Variants in MOB1B observed in about 807,000 individuals in gnomAD.
MOB1B encodes MOB1 Mps One Binder homolog B.
A neutral mutation model predicts 24.4 loss-of-function variants in MOB1B; 19 were observed. The observed-to-expected ratio is 0.78, with a 90% CI of 0.54 to 1.14. The LOEUF (loss-of-function observed/expected upper bound fraction) is 1.14. Among genes scored for constraint, MOB1B ranks in the 50% most tolerant of loss-of-function variants. The pLI is 0.00. For missense variants in MOB1B, 243 were observed against 259.6 expected, an observed-to-expected ratio of 0.94 and a Z score of 0.44; for synonymous variants, 76 against 82.1, an observed-to-expected ratio of 0.93 and a Z score of 0.40.
intron 1 of MOB1B, among the ~76,000 whole-genome samples, chr4:70,935,128 T>C (rs1044046537): frequency 6.6e-6 from 1 of 152,058 alleles, no homozygotes; most frequent in African/African-American, 2.4e-5. Context: ...GAGGGCTTGC[T>C]ATGTTGCCCA....
Position 70,987,248 on chromosome 4 carries a change from A to G in MOB1B, c.*5191A>G, listed in dbSNP as rs1739409947. On this transcript the variant is annotated 3_prime_UTR_variant, in exon 6 of 6. Transcript: ENST00000309395. ...CACTGAAGCTGAGATTATTAGTGAT[A>G]CAAAGTTAAAATTTCAATATTTAAT... 6.6e-6 allele frequency: 1 copy of G among 151,984 alleles called. No homozygotes were observed. The highest frequency in any genetic ancestry group is 1.5e-5 in the Non-Finnish European group (1 of 67,932). The allele number at this position is 151,984 out of a possible 1,614,324, so 9.4% of individuals were successfully genotyped here.
chr4:70,930,922 A>G (rs1315408512), intron 1 of MOB1B, among the ~76,000 whole-genome samples: 1 of 150,600 alleles, frequency 6.6e-6, no homozygotes, highest in Non-Finnish European at 1.5e-5. Flanking sequence ...TGACTGTATT[A>G]GCACTAAAGG....
intron 2 of MOB1B, among the ~76,000 whole-genome samples, chr4:70,962,902 G>A (rs1738362434): frequency 1.3e-5 from 2 of 152,092 alleles, no homozygotes; most frequent in African/African-American, 4.8e-5. Context: ...TACTTGGCAG[G>A]CTGAGGCATG....
At chr4:70,912,180 A>G (rs2148867996) in intron 1 of MOB1B, among the ~76,000 whole-genome samples, 1 of 152,230 alleles carries the variant, frequency 6.6e-6, no homozygotes, top group South Asian at 2.1e-4. Flanking sequence ...TACAGGCGTG[A>G]GCCACCGTGC....
chr4:70,945,892 G>C (rs919229813), intron 1 of MOB1B, among the ~76,000 whole-genome samples: 2 of 151,624 alleles, frequency 1.3e-5, no homozygotes, highest in Non-Finnish European at 2.9e-5. Context: ...AGTTAAAATT[G>C]TATGAGATAA....
chr4:70,920,896 G>A (rs965450697), intron 1 of MOB1B, among the ~76,000 whole-genome samples: 7 of 152,308 alleles, frequency 4.6e-5, no homozygotes, highest in Non-Finnish European at 1.0e-4. Context: ...AAAAGCTGGT[G>A]TGCTCCATTA....
In MOB1B at chr4:70,969,913, CT is replaced by C. The variant is rs761635405; in HGVS notation, c.182-17del. ...TTTAGCCATTCTGTTTTACTTACAA[CT>C]GATACTTGCTTTACAGCTGTGGATT... is the stretch of plus-strand genomic sequence containing the variant. On this transcript the variant is annotated splice_polypyrimidine_tract_variant and intron_variant, in intron 2 of 5. Coordinates refer to ENST00000309395, the MANE Select transcript of MOB1B (RefSeq NM_173468.4). The C allele has an allele frequency of 1.1e-5, 16 of 1,451,876 alleles. No homozygotes were observed. In the East Asian group the frequency reaches 3.2e-4, roughly 29 times the overall value. The allele number at this position is 1,451,876 out of a possible 1,614,324, so 89.9% of individuals were successfully genotyped here. A position where few individuals can be genotyped will look rare whatever the true frequency, so the allele number is the denominator to read the frequency against.
chr4:70,908,346 T>TA (rs1432576057), intron 1 of MOB1B, among the ~76,000 whole-genome samples: 3 of 150,320 alleles, frequency 2.0e-5, no homozygotes, highest in Admixed American at 6.6e-5. Flanking sequence ...TTTTTTTTTT[T>TA]AAATGTCAAC....
At chr4:70,942,904 A>G (rs1182528736) in intron 1 of MOB1B, 21 of 727,676 alleles carry the variant, frequency 2.9e-5, no homozygotes, top group Non-Finnish European at 3.5e-5. Context: ...AAAAATTATT[A>G]TATGAATGTT....
intron 4 of MOB1B, 179 bp downstream of exon 4, chr4:70,975,465 A>G: frequency 7.5e-7 from 1 of 1,332,198 alleles, no homozygotes; most frequent in Non-Finnish European, 9.6e-7. Context: ...GTGGTAAAAT[A>G]AGCAAGTGAT....
Position 70,960,723 on chromosome 4 carries a change from G to A in MOB1B, c.181+1683G>A, listed in dbSNP as rs1039547053. The stretch of plus-strand genomic sequence containing the variant: ...GTTTGCTTTATTGATGAGGCCTGCC[G>A]TATTTCTAAGATGTTTCTGTGTCAT... On this transcript the variant is annotated intron_variant, in intron 2 of 5. Coordinates refer to ENST00000309395, the MANE Select transcript of MOB1B (RefSeq NM_173468.4). Among the ~76,000 whole-genome samples, 141 of 152,268 alleles carry A rather than the reference G, an allele frequency of 9.3e-4. 1 individual carries two copies. The highest frequency in any genetic ancestry group is 3.1e-3 in the African/African-American group (130 of 41,552).
At chr4:70,933,475 G>T (rs760592563) in intron 1 of MOB1B, among the ~76,000 whole-genome samples, 1 of 149,998 alleles carries the variant, frequency 6.7e-6, no homozygotes, top group African/African-American at 2.4e-5. Flanking sequence ...ATTTTTGTCA[G>T]TGTTCTTCAT....
At chr4:70,978,727 C>T (rs1369635903) in intron 4 of MOB1B, among the ~76,000 whole-genome samples, 11 of 152,162 alleles carry the variant, frequency 7.2e-5, no homozygotes, top group Admixed American at 5.9e-4. Flanking sequence ...ATATAAACTG[C>T]AAGCATTTTA....
intron 1 of MOB1B, among the ~76,000 whole-genome samples, chr4:70,948,047 T>G (rs1033131836): frequency 6.6e-6 from 1 of 152,218 alleles, no homozygotes; most frequent in East Asian, 1.9e-4. Context: ...AGAAGTTTTA[T>G]AGTATTGTGT....
intron 1 of MOB1B, among the ~76,000 whole-genome samples, chr4:70,952,556 T>C (rs1390030904): frequency 6.9e-6 from 1 of 145,356 alleles, no homozygotes; most frequent in Non-Finnish European, 1.5e-5. Context: ...GGCAGGAGAA[T>C]GGTGTGAACC....
At chr4:70,972,376 G>T (rs1048049229) in intron 3 of MOB1B, among the ~76,000 whole-genome samples, 3 of 151,856 alleles carry the variant, frequency 2.0e-5, no homozygotes, top group Admixed American at 6.6e-5. Context: ...CACCATACCC[G>T]GCTATTTTTG....
chr4:70,930,890 T>A (rs927602257), intron 1 of MOB1B, among the ~76,000 whole-genome samples: 1 of 152,086 alleles, frequency 6.6e-6, no homozygotes, highest in Non-Finnish European at 1.5e-5. Flanking sequence ...TCTCAAATAA[T>A]GTGAAATGTC....
At chr4:70,962,724 C>T (rs1298399079) in intron 2 of MOB1B, among the ~76,000 whole-genome samples, 2 of 152,062 alleles carry the variant, frequency 1.3e-5, no homozygotes, top group Non-Finnish European at 2.9e-5. Flanking sequence ...AGAGGCCGGG[C>T]ACGGTGGCTC....
At chr4:70,948,306 A>T (rs1427524249) in intron 1 of MOB1B, among the ~76,000 whole-genome samples, 1 of 152,242 alleles carries the variant, frequency 6.6e-6, no homozygotes, top group East Asian at 1.9e-4. Flanking sequence ...GCCTTAAAAA[A>T]TGCTTAATTG....
Sources: allele counts gnomAD v4.1 joint callset (sites outside exome capture counted in the v4.1 genomes callset), GRCh38; gene constraint gnomAD v4.1.1; transcripts MANE v1.5; gene names NCBI Gene and HGNC (gene_info 2026-07-23, HGNC 2026-07-21).